The following UVRAG variants were observed in gnomAD, a reference collection of about 807,000 sequenced individuals.
UVRAG encodes UV radiation resistance-associated gene protein.
In UVRAG, 19 loss-of-function variants were observed where a neutral mutation model predicts 78.0. The ratio of observed to expected loss-of-function variants is 0.24; its 90% CI spans 0.17 to 0.36. The LOEUF (loss-of-function observed/expected upper bound fraction) is 0.36. Ranked by LOEUF, UVRAG falls within the 10% of genes least tolerant of loss-of-function variation. The probability of loss-of-function intolerance (pLI) is 1.00; values close to 1 mark genes in which losing one functional copy is unlikely to be tolerated. For missense variants in UVRAG, 740 were observed against 853.8 expected, an observed-to-expected ratio of 0.87 and a Z score of 1.66; for synonymous variants, 323 against 324.6, an observed-to-expected ratio of 1.00 and a Z score of 0.05.
chr11:76,082,433 G>A (rs974352959), intron 13 of UVRAG, among the ~76,000 whole-genome samples: 3 of 151,402 alleles, frequency 2.0e-5, no homozygotes, highest in Non-Finnish European at 2.9e-5. Context: ...CCAGCTACTC[G>A]GGAGGCTGAG....
At chr11:75,838,182 G>A (rs766107101) in intron 1 of UVRAG, among the ~76,000 whole-genome samples, 42 of 152,092 alleles carry the variant, frequency 2.8e-4, no homozygotes, top group Admixed American at 1.6e-3. Flanking sequence ...TGGTCACATA[G>A]CATTTCACTG....
At chr11:75,880,160 C>A in intron 4 of UVRAG, 120 bp downstream of exon 4, 1 of 1,149,166 alleles carries the variant, frequency 8.7e-7, no homozygotes, top group Non-Finnish European at 1.2e-6. Context: ...TGACTGTTTA[C>A]TTATATCACT....
intron 8 of UVRAG, among the ~76,000 whole-genome samples, chr11:75,999,581 A>G (rs1001738581): frequency 2.6e-5 from 4 of 151,824 alleles, no homozygotes; most frequent in Non-Finnish European, 4.4e-5. Context: ...GGGTTTCACT[A>G]TGTTGGTCAG....
chr11:76,070,768 G>A (rs576197417), intron 13 of UVRAG, among the ~76,000 whole-genome samples: 5 of 152,230 alleles, frequency 3.3e-5, no homozygotes, highest in South Asian at 2.1e-4. Flanking sequence ...ATATTGTAGC[G>A]TTCCATTTAT....
At chr11:75,887,658 A>C (rs1947114769) in intron 4 of UVRAG, among the ~76,000 whole-genome samples, 1 of 150,966 alleles carries the variant, frequency 6.6e-6, no homozygotes, top group Admixed American at 6.6e-5. Flanking sequence ...CGTGTTACCC[A>C]GGATGGTCTC....
chr11:75,980,048 C>G (rs775170657), intron 7 of UVRAG: 5 of 152,336 alleles, frequency 3.3e-5, no homozygotes, highest in Non-Finnish European at 7.3e-5. Flanking sequence ...GGTATTGTTT[C>G]TTACTTAAAC....
rs143829734 is a variant in UVRAG at position 75,992,417 on chromosome 11, A to T, written c.826+8904A>T. ...TCTCACTTTTATATATGTTTTTGAG[A>T]TGAGAATTACTTTGTATTCCCCTGG... On this transcript the variant is annotated intron_variant, in intron 8 of 14. Transcript: ENST00000356136. Among the ~76,000 whole-genome samples, 4 of 152,306 alleles carry T rather than the reference A, an allele frequency of 2.6e-5. No homozygotes were observed. In the East Asian group the frequency reaches 7.7e-4, roughly 29 times the overall value.
rs998026710 is a variant in UVRAG at position 75,889,115 on chromosome 11, A to G, written c.507+212A>G. On this transcript the variant is annotated intron_variant, in intron 5 of 14. Coordinates refer to ENST00000356136, the MANE Select transcript of UVRAG (RefSeq NM_003369.4). Reference sequence around the variant, plus strand: ...TCCATCTTTTCTAAATCCAGATTATATTAATTTTTCTACAGGAAATCTGGA... The same window carrying G: ...TCCATCTTTTCTAAATCCAGATTATGTTAATTTTTCTACAGGAAATCTGGA... Among the ~76,000 whole-genome samples the G allele has an allele frequency of 2.6e-4, 39 of 152,204 alleles. 1 individual carries two copies. The highest frequency in any genetic ancestry group is 2.5e-3 in the Admixed American group (38 of 15,282).
rs201485090 is a variant in UVRAG at position 76,141,392 on chromosome 11, G to A, written c.2079G>A (p.Pro693=). 92 of 1,613,318 alleles carry A rather than the reference G, an allele frequency of 5.7e-5. No homozygotes were observed. Among genetic ancestry groups the A allele is most frequent in the Admixed American group, 3.5e-4 (21 of 60,028 alleles). The part of the protein sequence containing the change: ...LNENVSSFRR[P]RRSSDK ...AAAACGTATCCAGCTTCCGCCGGCCGCGCAGGAGTTCCGATAAGTGAAGTG... is the reference window on the plus strand; with the variant it reads ...AAAACGTATCCAGCTTCCGCCGGCCACGCAGGAGTTCCGATAAGTGAAGTG... The change falls in exon 15 of 15, where the codon CCG becomes CCA. Residue 693 remains proline (P), a synonymous_variant. Coordinates refer to ENST00000356136, the MANE Select transcript of UVRAG (RefSeq NM_003369.4).
intron 7 of UVRAG, among the ~76,000 whole-genome samples, chr11:75,974,990 C>T (rs981843584): frequency 5.9e-5 from 9 of 152,140 alleles, no homozygotes; most frequent in Admixed American, 1.3e-4. Context: ...AGGTTTTCTC[C>T]TAGGGGTTTT....
At chr11:75,976,996 G>C (rs1272086686) in intron 7 of UVRAG, among the ~76,000 whole-genome samples, 1 of 152,080 alleles carries the variant, frequency 6.6e-6, no homozygotes, top group East Asian at 1.9e-4. Context: ...GCTTTCTCTT[G>C]TGGGCATTTA....
At chr11:75,899,751 T>C (rs1011176258) in intron 5 of UVRAG, among the ~76,000 whole-genome samples, 3 of 152,214 alleles carry the variant, frequency 2.0e-5, no homozygotes, top group Admixed American at 6.5e-5. Flanking sequence ...GTGCAAACAC[T>C]TTGAACAGTA....
chr11:76,107,499 A>C (rs1951992933), intron 13 of UVRAG, among the ~76,000 whole-genome samples: 1 of 152,242 alleles, frequency 6.6e-6, no homozygotes, highest in African/African-American at 2.4e-5. Flanking sequence ...TCTAGGCTTC[A>C]GTCCTCAGAA....
chr11:76,132,079 G>A (rs568706126), intron 14 of UVRAG, among the ~76,000 whole-genome samples: 10 of 152,304 alleles, frequency 6.6e-5, no homozygotes, highest in South Asian at 2.1e-4. Context: ...CAAGCCTGTC[G>A]TTGCTCTGCA....
chr11:75,917,481 T>C (rs911830704), intron 6 of UVRAG, among the ~76,000 whole-genome samples: 8 of 152,246 alleles, frequency 5.3e-5, no homozygotes, highest in Admixed American at 5.2e-4. Context: ...TCTGTATTAC[T>C]CTTTTTCCCT....
intron 6 of UVRAG, among the ~76,000 whole-genome samples, chr11:75,960,138 A>G (rs1300123109): frequency 6.6e-6 from 1 of 152,102 alleles, no homozygotes; most frequent in Non-Finnish European, 1.5e-5. Context: ...AAGTGACCAC[A>G]TGCTGGTGGA....
intron 13 of UVRAG, among the ~76,000 whole-genome samples, chr11:76,076,802 G>GTATGTATGTATTTATT (rs1554987474): frequency 2.0e-5 from 3 of 147,556 alleles, no homozygotes; most frequent in African/African-American, 7.8e-5. Context: ...AAATTAGGTT[G>GTATGTATGTATTTATT]TATTTATTTA....
chr11:75,952,765 G>A (rs962257789), intron 6 of UVRAG, among the ~76,000 whole-genome samples: 1 of 151,468 alleles, frequency 6.6e-6, no homozygotes, highest in African/African-American at 2.4e-5. Context: ...TATAGTGTTC[G>A]TGTCATGTTT....
chr11:76,113,756 C>T (rs1952125778), intron 13 of UVRAG, among the ~76,000 whole-genome samples: 1 of 151,940 alleles, frequency 6.6e-6, no homozygotes, highest in African/African-American at 2.4e-5. Context: ...CTCTTGTCTT[C>T]CTGGGCCTTA....
Sources: allele counts gnomAD v4.1 joint callset (sites outside exome capture counted in the v4.1 genomes callset), GRCh38; gene constraint gnomAD v4.1.1; transcripts MANE v1.5; gene names NCBI Gene and HGNC (gene_info 2026-07-23, HGNC 2026-07-21).